Variants in TBC1D22A observed in about 807,000 individuals in gnomAD.
TBC1D22A encodes TBC1 domain family member 22A, also known as putative GTPase activator.
In TBC1D22A, 38 loss-of-function variants were observed where a neutral mutation model predicts 60.2. The ratio of observed to expected loss-of-function variants is 0.63; its 90% CI spans 0.49 to 0.83. The LOEUF (loss-of-function observed/expected upper bound fraction) is 0.83. TBC1D22A is among the 40% of genes least tolerant of loss of function. The pLI is 0.00. For missense variants in TBC1D22A, 628 were observed against 701.0 expected (o/e 0.90, Z 1.18); for synonymous variants, 302 against 281.7 (o/e 1.07, Z -0.72).
At chr22:46,866,027 C>G (rs561870285) in intron 4 of TBC1D22A, among the ~76,000 whole-genome samples, 1 of 151,766 alleles carries the variant, frequency 6.6e-6, no homozygotes, top group African/African-American at 2.4e-5. Flanking sequence ...AGTTCTGTGC[C>G]GAAATTGATG....
chr22:47,175,391 G>A lies in TBC1D22A; in HGVS notation c.*1765G>A, dbSNP rs558917554. 1.3e-5 allele frequency: 2 copies of A among 150,674 alleles called. No homozygotes were observed. Among genetic ancestry groups the A allele is most frequent in the African/African-American group, 5.0e-5 (2 of 39,888 alleles). 9.3% of individuals were successfully genotyped at this position (150,674 alleles called of 1,614,324 possible). A position where few individuals can be genotyped will look rare whatever the true frequency, so the allele number is the denominator to read the frequency against. Reference sequence around the variant, plus strand: ...AAGAGCCGCCCCTCGGCCGTGTGCAGGAAGCCCCATGTCGCTTTGCCGAGA... The same window carrying A: ...AAGAGCCGCCCCTCGGCCGTGTGCAAGAAGCCCCATGTCGCTTTGCCGAGA... On this transcript the variant is annotated 3_prime_UTR_variant, in exon 13 of 13. Transcript: ENST00000337137.
chr22:46,994,442 G>A (rs1040386193), intron 9 of TBC1D22A, among the ~76,000 whole-genome samples: 5 of 152,178 alleles, frequency 3.3e-5, no homozygotes, highest in Non-Finnish European at 4.4e-5. Flanking sequence ...GCATTTCTGC[G>A]GCTAGAGCAA....
rs112807722 is a variant in TBC1D22A at position 47,008,824 on chromosome 22, A to G, written c.1201+11115A>G. On this transcript the variant is annotated intron_variant, in intron 10 of 12. Coordinates refer to ENST00000337137, the MANE Select transcript of TBC1D22A (RefSeq NM_014346.5). ...CAAGCTGGTGCCTGTAAACTGGTAG[A>G]AACCTCAGGAACAGGCTGACCTCCC... 3.3e-3 allele frequency among the ~76,000 whole-genome samples: 501 copies of G among 152,308 alleles called. 2 individuals are homozygous for G. Among genetic ancestry groups the G allele is most frequent in the African/African-American group, 0.012 (485 of 41,570 alleles).
chr22:46,822,218 A>G (rs1404586091), intron 4 of TBC1D22A, among the ~76,000 whole-genome samples: 1 of 152,010 alleles, frequency 6.6e-6, no homozygotes, highest in Non-Finnish European at 1.5e-5. Context: ...TTTATTACCC[A>G]TCTGCTGAAG....
chr22:46,989,782 C>A (rs1231370926), intron 9 of TBC1D22A, among the ~76,000 whole-genome samples: 1 of 151,646 alleles, frequency 6.6e-6, no homozygotes, highest in Non-Finnish European at 1.5e-5. Flanking sequence ...CACACACACA[C>A]ACACAATAAA....
intron 4 of TBC1D22A, among the ~76,000 whole-genome samples, chr22:46,855,696 T>C (rs2087531734): frequency 1.3e-5 from 2 of 152,036 alleles, no homozygotes; most frequent in Admixed American, 6.5e-5. Flanking sequence ...TCCCGCAAGA[T>C]AAAGCAGGCC....
At chr22:46,953,646 A>G (rs940349536) in intron 8 of TBC1D22A, among the ~76,000 whole-genome samples, 2 of 152,212 alleles carry the variant, frequency 1.3e-5, no homozygotes, top group Non-Finnish European at 2.9e-5. Flanking sequence ...ATCCTGGGTT[A>G]CCAGTTTTAT....
intron 1 of TBC1D22A, among the ~76,000 whole-genome samples, chr22:46,786,378 C>T (rs552769625): frequency 3.2e-4 from 49 of 152,230 alleles, no homozygotes; most frequent in Admixed American, 1.1e-3. Context: ...GATTATGATG[C>T]GTAATCCCTT....
Position 47,064,297 on chromosome 22 carries a change from G to A in TBC1D22A, c.1329+27099G>A, listed in dbSNP as rs550006327. 8.5e-5 allele frequency among the ~76,000 whole-genome samples: 13 copies of A among 152,358 alleles called. No homozygotes were observed. The South Asian group carries it at 2.3e-3, about 27-fold the overall frequency. ...CAGTTCCCGGGCAGCGGTGCCGGGC[G>A]GTCATGCCGCTCTAAGCCAGGCAGG... On this transcript the variant is annotated intron_variant, in intron 11 of 12. Coordinates refer to ENST00000337137, the MANE Select transcript of TBC1D22A (RefSeq NM_014346.5).
At chr22:46,903,921 C>T (rs927306107) in intron 7 of TBC1D22A, among the ~76,000 whole-genome samples, 1 of 152,092 alleles carries the variant, frequency 6.6e-6, no homozygotes, top group African/African-American at 2.4e-5. Context: ...TGCCGAGTGC[C>T]CCGCTGCCCG....
intron 4 of TBC1D22A, among the ~76,000 whole-genome samples, chr22:46,829,816 G>T (rs1177031615): frequency 6.6e-6 from 1 of 152,182 alleles, no homozygotes; most frequent in African/African-American, 2.4e-5. Context: ...CTGTTTGGGG[G>T]CCGGAGGTTT....
intron 7 of TBC1D22A, among the ~76,000 whole-genome samples, chr22:46,899,521 C>T (rs6009036): frequency 0.11 from 17,184 of 151,984 alleles, 1,603 homozygotes; most frequent in African/African-American, 0.26. Context: ...TGTAGAGGTG[C>T]AGAGGTTAGA....
rs927880369 is a variant in TBC1D22A at position 46,777,805 on chromosome 22, C to T, written c.63-14715C>T. On this transcript the variant is annotated intron_variant, in intron 1 of 12. Coordinates refer to ENST00000337137, the MANE Select transcript of TBC1D22A (RefSeq NM_014346.5). The surrounding 1 kb of genome is among the most constrained non-coding windows in gnomAD (Gnocchi z 4.5). Reference sequence around the variant, plus strand: ...GAGCCGCTCCGAAAGTCATGCATCACTTAGCGACGGGGACGCCTTCTGAGA... The same window carrying T: ...GAGCCGCTCCGAAAGTCATGCATCATTTAGCGACGGGGACGCCTTCTGAGA... Among the ~76,000 whole-genome samples, 1 of 152,214 alleles carries T rather than the reference C, an allele frequency of 6.6e-6. No individual in the cohort carries two copies. The highest frequency in any genetic ancestry group is 1.5e-5 in the Non-Finnish European group (1 of 68,040).
chr22:47,160,847 CCCCAGCTA>C (rs1435436281), intron 12 of TBC1D22A, among the ~76,000 whole-genome samples: 1 of 152,132 alleles, frequency 6.6e-6, no homozygotes, highest in East Asian at 1.9e-4. Flanking sequence ...CATGCCCTCC[CCCCAGCTA>C]CCCTCCTCTT....
chr22:47,060,238 CTTTTT>C (rs3884803), intron 11 of TBC1D22A, among the ~76,000 whole-genome samples: 5 of 111,656 alleles, frequency 4.5e-5, no homozygotes, highest in Non-Finnish European at 8.8e-5. Flanking sequence ...GGGTTTCTGA[CTTTTT>C]TTTTTTTTTT....
chr22:47,035,836 A>C (rs1278317221), intron 10 of TBC1D22A, among the ~76,000 whole-genome samples: 2 of 152,198 alleles, frequency 1.3e-5, no homozygotes, highest in Non-Finnish European at 2.9e-5. Context: ...CGCATGTCTT[A>C]GTAGAGCTCC....
intron 1 of TBC1D22A, among the ~76,000 whole-genome samples, chr22:46,768,610 TG>T (rs2083379658): frequency 6.6e-6 from 1 of 152,052 alleles, no homozygotes; most frequent in Non-Finnish European, 1.5e-5. Context: ...CAGTTGCAGT[TG>T]GAATTCTCGC....
intron 5 of TBC1D22A, among the ~76,000 whole-genome samples, chr22:46,878,995 A>T (rs1319202236): frequency 6.6e-6 from 1 of 152,182 alleles, no homozygotes; most frequent in Non-Finnish European, 1.5e-5. Flanking sequence ...TCTATGTTCC[A>T]GCCTGTGATA....
At chr22:46,813,842 GTTCCA>G (rs1427640311) in intron 4 of TBC1D22A, among the ~76,000 whole-genome samples, 1 of 152,260 alleles carries the variant, frequency 6.6e-6, no homozygotes, top group East Asian at 1.9e-4. Flanking sequence ...TGGGGCAGGG[GTTCCA>G]TGAAGGCAGG....
Sources: gnomAD v4.1 joint callset for allele counts (sites outside exome capture counted in the v4.1 genomes callset) on GRCh38, gnomAD v4.1.1 for gene constraint, Gnocchi (gnomAD v3.1) non-coding constraint, MANE v1.5 for transcripts, NCBI Gene and HGNC (gene_info 2026-07-23, HGNC 2026-07-21) for gene names.